Variants in RAD9B observed in about 807,000 individuals in gnomAD.
RAD9B encodes the protein RAD9 checkpoint clamp component B, also known as cell cycle checkpoint control protein RAD9B.
In RAD9B, 41 loss-of-function variants were observed where a neutral mutation model predicts 48.3. The observed-to-expected ratio is 0.85, with a 90% CI of 0.66 to 1.10. The LOEUF is 1.10. Ranked by LOEUF, RAD9B falls within the 50% of genes least tolerant of loss-of-function variation. The pLI is 0.00. For missense variants in RAD9B, 444 were observed against 485.1 expected (o/e 0.92, Z 0.80); for synonymous variants, 160 against 157.9 (o/e 1.01, Z -0.10).
chr12:110,502,503 C>T (rs2063112081), intron 1 of RAD9B, 120 bp downstream of exon 1: 2 of 1,143,500 alleles, frequency 1.7e-6, no homozygotes, highest in Non-Finnish European at 1.3e-6. Flanking sequence ...AGGACGCACG[C>T]CCTGGCCACA....
chr12:110,507,398 A>AAT (rs1428019894), intron 4 of RAD9B, among the ~76,000 whole-genome samples: 1 of 143,114 alleles, frequency 7.0e-6, no homozygotes, highest in Non-Finnish European at 1.5e-5. Flanking sequence ...TATAATATAT[A>AAT]ATATATGTAT....
At chr12:110,528,574 G>A (rs1409098097) in intron 10 of RAD9B, among the ~76,000 whole-genome samples, 2 of 152,224 alleles carry the variant, frequency 1.3e-5, no homozygotes, top group Non-Finnish European at 2.9e-5. Context: ...CAAGCTGGCT[G>A]AGCTGAGATT....
chr12:110,517,162 A>G (rs1692035267), intron 6 of RAD9B, among the ~76,000 whole-genome samples: 1 of 150,850 alleles, frequency 6.6e-6, no homozygotes, highest in African/African-American at 2.4e-5. Context: ...GCAAGATCCC[A>G]TCTCTACAAA....
chr12:110,506,262 C>T (rs2063263240), intron 3 of RAD9B, among the ~76,000 whole-genome samples: 1 of 151,036 alleles, frequency 6.6e-6, no homozygotes, highest in South Asian at 2.1e-4. Context: ...AATCTCGGCT[C>T]ACTGCAAGCT....
intron 9 of RAD9B, among the ~76,000 whole-genome samples, chr12:110,520,741 C>A (rs775002365): frequency 6.7e-6 from 1 of 149,072 alleles, no homozygotes. Context: ...ACCTCCACCC[C>A]CTGGGTTCAA....
chr12:110,530,868 G>A lies in RAD9B; in HGVS notation c.*215G>A. ...TTGCTTTAAATCCATTATGCTACTT[G>A]TGAGGCAGAAGAGTTTTCTGTGAAG... is the stretch of plus-strand genomic sequence containing the variant. On this transcript the variant is annotated 3_prime_UTR_variant, in exon 11 of 11. Transcript: ENST00000409300. 7.7e-7 allele frequency: 1 copy of A among 1,296,268 alleles called. No individual in the cohort carries two copies. Among genetic ancestry groups the A allele is most frequent in the Non-Finnish European group, 9.8e-7 (1 of 1,018,820 alleles). 80.3% of individuals were successfully genotyped at this position (1,296,268 alleles called of 1,614,324 possible).
At chr12:110,515,685 A>G (rs2063584651) in intron 6 of RAD9B, among the ~76,000 whole-genome samples, 1 of 152,120 alleles carries the variant, frequency 6.6e-6, no homozygotes, top group South Asian at 2.1e-4. Flanking sequence ...AAAATTTGCT[A>G]CGGTCTTTTG....
At chr12:110,508,812 T>G (rs185302046) in intron 4 of RAD9B, among the ~76,000 whole-genome samples, 1 of 152,102 alleles carries the variant, frequency 6.6e-6, no homozygotes, top group East Asian at 1.9e-4. Context: ...TGAAACAAAG[T>G]CTCACTCTGT....
At chr12:110,511,430 A>G (rs1444510431) in intron 4 of RAD9B, 1 of 440,434 alleles carries the variant, frequency 2.3e-6, no homozygotes, top group East Asian at 7.2e-5. Flanking sequence ...ATTTGCAGCA[A>G]CGTGGATGGA....
chr12:110,521,087 G>A (rs2063771046), intron 9 of RAD9B, among the ~76,000 whole-genome samples: 1 of 152,104 alleles, frequency 6.6e-6, no homozygotes, highest in Non-Finnish European at 1.5e-5. Context: ...CCCAGAGATA[G>A]CCACTGTAAC....
At chr12:110,525,919 T>G (rs1400584560) in intron 10 of RAD9B, among the ~76,000 whole-genome samples, 9 of 152,152 alleles carry the variant, frequency 5.9e-5, no homozygotes, top group Non-Finnish European at 1.2e-4. Flanking sequence ...CTTGAACTCC[T>G]GACCTCGTGA....
chr12:110,514,969 G>A, intron 5 of RAD9B, 81 bp from the exon 6 acceptor site: 1 of 799,388 alleles, frequency 1.3e-6, no homozygotes, highest in Non-Finnish European at 1.9e-6. Flanking sequence ...TTCCAGATTA[G>A]AGATTTGAGT....
intron 10 of RAD9B, among the ~76,000 whole-genome samples, chr12:110,523,940 C>G (rs1413221961): frequency 1.3e-5 from 2 of 152,164 alleles, no homozygotes; most frequent in African/African-American, 2.4e-5. Flanking sequence ...AGACCCTTAT[C>G]ATGTTCTGCC....
chr12:110,506,644 C>A lies in RAD9B; in HGVS notation c.339C>A (p.Phe113Leu), dbSNP rs763505284. Residue 113 changes from phenylalanine to leucine, a missense_variant, in exon 4 of 11, where the codon TTC (phenylalanine) becomes TTA (leucine). Phe to Leu is a conservative substitution (Grantham distance 22). Transcript: ENST00000409300. ...GAAATATAGAGAAGTGCAGAATATT[C>A]ACCAGATCTGATAAATGCAAAGTAG... ...LERNIEKCRIFTRSDKCKVVI... is the reference protein window; with the variant it reads ...LERNIEKCRILTRSDKCKVVI... The A allele has an allele frequency of 6.2e-7, 1 of 1,604,390 alleles. No homozygotes were observed. Among genetic ancestry groups the A allele is most frequent in the African/African-American group, 1.3e-5 (1 of 74,796 alleles).
In RAD9B at chr12:110,524,586, A is replaced by G. The variant is rs189627092; in HGVS notation, c.1125+2175A>G. Among the ~76,000 whole-genome samples, 299 of 151,208 alleles carry G rather than the reference A, an allele frequency of 2.0e-3. 4 individuals are homozygous for G. The highest frequency in any genetic ancestry group is 9.9e-4 in the Non-Finnish European group (67 of 67,794). ...CAAAAAGAAAAAAATTATTGTTGTTACTTATCACTCTCTTGCTTTTAAAAC... is the reference window on the plus strand; with the variant it reads ...CAAAAAGAAAAAAATTATTGTTGTTGCTTATCACTCTCTTGCTTTTAAAAC... On this transcript the variant is annotated intron_variant, in intron 10 of 10. Transcript: ENST00000409300.
At chr12:110,510,691 G>T (rs893547124) in intron 4 of RAD9B, among the ~76,000 whole-genome samples, 1 of 152,182 alleles carries the variant, frequency 6.6e-6, no homozygotes, top group Admixed American at 6.6e-5. Context: ...GTATGCTACA[G>T]TTCCTGGCAC....
At chr12:110,512,938 G>C (rs978896888) in intron 5 of RAD9B, 60 bp downstream of exon 5, 2 of 796,106 alleles carry the variant, frequency 2.5e-6, no homozygotes, top group African/African-American at 3.5e-5. Flanking sequence ...ATGGAGTGAA[G>C]AATCAATGCC....
intron 9 of RAD9B, among the ~76,000 whole-genome samples, chr12:110,521,380 C>T (rs547328734): frequency 1.2e-4 from 19 of 152,012 alleles, no homozygotes; most frequent in African/African-American, 4.3e-4. Flanking sequence ...CTCTTAACTC[C>T]TGGGCTCAAG....
At position 110,525,643 on chromosome 12, in the gene RAD9B, G is replaced by A. The variant is rs567048817; in HGVS notation, c.1125+3232G>A. ...CATATGGTCAAGGTGGTGTCTGCCG[G>A]CTCTCTACTATATAGTTACTGTTTT... On this transcript the variant is annotated intron_variant, in intron 10 of 10. Coordinates refer to ENST00000409300, the MANE Select transcript of RAD9B (RefSeq NM_001286535.2). 2.0e-5 allele frequency among the ~76,000 whole-genome samples: 3 copies of A among 152,094 alleles called. No homozygotes were observed. The South Asian group carries it at 6.2e-4, about 32-fold the overall frequency.
Sources: gnomAD v4.1 joint callset for allele counts (sites outside exome capture counted in the v4.1 genomes callset) on GRCh38, gnomAD v4.1.1 for gene constraint, MANE v1.5 for transcripts, NCBI Gene and HGNC (gene_info 2026-07-23, HGNC 2026-07-21) for gene names.